Variants in LMBRD1 observed in about 807,000 individuals in gnomAD.
LMBRD1 encodes lysosomal cobalamin transport escort protein LMBD1.
A neutral mutation model predicts 74.8 loss-of-function variants in LMBRD1; 64 were observed. That is an observed-to-expected ratio of 0.86 (90% CI 0.70 to 1.05). LMBRD1 has a LOEUF of 1.05. Ranked by LOEUF, LMBRD1 falls within the 50% of genes least tolerant of loss-of-function variation. LMBRD1 has a pLI of 0.00. For synonymous variants in LMBRD1, 204 were observed against 216.3 expected (o/e 0.94, Z 0.50); for missense variants, 652 against 645.9 (o/e 1.01, Z -0.10).
chr6:69,711,223 T>C (rs779670286), intron 9 of LMBRD1, among the ~76,000 whole-genome samples: 6 of 152,134 alleles, frequency 3.9e-5, no homozygotes, highest in Non-Finnish European at 7.4e-5. Flanking sequence ...AGACAAAAGA[T>C]TGTACACTCT....
At chr6:69,694,646 G>A (rs1582054911) in intron 14 of LMBRD1, among the ~76,000 whole-genome samples, 1 of 151,838 alleles carries the variant, frequency 6.6e-6, no homozygotes, top group African/African-American at 2.4e-5. Flanking sequence ...GGACTCTGTG[G>A]TCACTGTTTA....
chr6:69,783,008 T>A (rs1765871680), intron 2 of LMBRD1, among the ~76,000 whole-genome samples: 1 of 152,146 alleles, frequency 6.6e-6, no homozygotes, highest in Non-Finnish European at 1.5e-5. Context: ...GAATAACATG[T>A]TGACATTAAA....
rs185479109 is a variant in LMBRD1 at position 69,707,713 on chromosome 6, C to T, written c.916-5760G>A. Among the ~76,000 whole-genome samples, 144 of 152,136 alleles carry T rather than the reference C, an allele frequency of 9.5e-4. 1 individual carries two copies. Among genetic ancestry groups the T allele is most frequent in the Non-Finnish European group, 1.6e-3 (111 of 67,994 alleles). ...TTGATATTATGGACATATTTAGTCT[C>T]AATAATATCTTACTGTTAGATAATT... On this transcript the variant is annotated intron_variant, in intron 9 of 15. Coordinates refer to ENST00000649934, the MANE Select transcript of LMBRD1 (RefSeq NM_018368.4).
At position 69,741,860 on chromosome 6, in the gene LMBRD1, T is replaced by G. The variant is rs1301665099; in HGVS notation, c.491A>C (p.Asn164Thr). 2 of 1,598,294 alleles carry G rather than the reference T, an allele frequency of 1.3e-6. No homozygotes were observed. The highest frequency in any genetic ancestry group is 8.6e-7 in the Non-Finnish European group (1 of 1,165,848). The change falls in exon 6 of 16, where the codon AAT becomes ACT. Residue 164 changes from asparagine (N) to threonine (T), a missense_variant. Transcript: ENST00000649934. ...TGTAGAATTTTTGTTATTGGGAACATTCAATGGAACAAAGGCACTACAAAA... is the reference window on the plus strand; with the variant it reads ...TGTAGAATTTTTGTTATTGGGAACAGTCAATGGAACAAAGGCACTACAAAA... Reference protein sequence around the residue: ...LLLVGAFVPLNVPNNKNSTEW... With the variant: ...LLLVGAFVPLTVPNNKNSTEW...
intron 6 of LMBRD1, 99 bp from the exon 7 acceptor site, chr6:69,738,114 G>T: frequency 1.1e-6 from 1 of 894,760 alleles, no homozygotes; most frequent in Non-Finnish European, 1.8e-6. Context: ...TACACATTTT[G>T]AAGAAATAAA....
In LMBRD1 at chr6:69,762,882, C is replaced by T. The variant is rs547133527; in HGVS notation, c.308-10526G>A. On this transcript the variant is annotated intron_variant, in intron 3 of 15. Coordinates refer to ENST00000649934, the MANE Select transcript of LMBRD1 (RefSeq NM_018368.4). ...TTGTTGAGACCTTCAACTTGGACTTCCTAGCTTCCAGAATTGTGAGAAATA... is the reference window on the plus strand; with the variant it reads ...TTGTTGAGACCTTCAACTTGGACTTTCTAGCTTCCAGAATTGTGAGAAATA... Among the ~76,000 whole-genome samples, 16 of 152,226 alleles carry T rather than the reference C, an allele frequency of 1.1e-4. No homozygotes were observed. The South Asian group carries it at 2.9e-3, about 28-fold the overall frequency.
At chr6:69,746,113 TC>T in intron 5 of LMBRD1, 1 of 176,986 alleles carries the variant, frequency 5.7e-6, no homozygotes, top group Non-Finnish European at 1.2e-5. Flanking sequence ...TTGCAAGATT[TC>T]ACCAAAATTA....
Position 69,759,946 on chromosome 6 carries a change from T to C in LMBRD1, c.308-7590A>G, listed in dbSNP as rs554913160. On this transcript the variant is annotated intron_variant, in intron 3 of 15. Coordinates refer to ENST00000649934, the MANE Select transcript of LMBRD1 (RefSeq NM_018368.4). ...TACAAATAAGTGAAACATAGACTAG[T>C]GAACTCTCATTTCACACTCACCAGA... 1.2e-4 allele frequency among the ~76,000 whole-genome samples: 19 copies of C among 152,250 alleles called. No homozygotes were observed. The South Asian group carries it at 3.1e-3, about 25-fold the overall frequency.
chr6:69,776,677 T>G (rs1765712821), intron 3 of LMBRD1, among the ~76,000 whole-genome samples: 1 of 152,204 alleles, frequency 6.6e-6, no homozygotes, highest in African/African-American at 2.4e-5. Flanking sequence ...AACCTTTATC[T>G]CATTGCACAT....
At chr6:69,677,430 G>C (rs1481307763) in intron 14 of LMBRD1, among the ~76,000 whole-genome samples, 1 of 152,114 alleles carries the variant, frequency 6.6e-6, no homozygotes, top group Non-Finnish European at 1.5e-5. Flanking sequence ...GGCTGGCTTT[G>C]GAAAAGTGGG....
At chr6:69,786,852 C>A (rs541162593) in intron 2 of LMBRD1, among the ~76,000 whole-genome samples, 32 of 152,208 alleles carry the variant, frequency 2.1e-4, no homozygotes, top group African/African-American at 7.2e-4. Flanking sequence ...TGTTAGCAAT[C>A]ATTAATATGT....
chr6:69,723,214 T>C (rs1351680804), intron 7 of LMBRD1, among the ~76,000 whole-genome samples: 1 of 152,078 alleles, frequency 6.6e-6, no homozygotes, highest in Non-Finnish European at 1.5e-5. Context: ...CCCCAATACA[T>C]TAACAATGGA....
chr6:69,737,194 G>A (rs1311477035), intron 7 of LMBRD1, among the ~76,000 whole-genome samples: 1 of 152,078 alleles, frequency 6.6e-6, no homozygotes, highest in Non-Finnish European at 1.5e-5. Context: ...AGAATTAAGA[G>A]TGCTTCAACA....
chr6:69,757,457 T>A (rs185477953), intron 3 of LMBRD1, among the ~76,000 whole-genome samples: 32 of 152,338 alleles, frequency 2.1e-4, no homozygotes, highest in Admixed American at 8.5e-4. Context: ...TTAAAACTGC[T>A]CTAAATATTT....
chr6:69,693,172 G>A (rs1765925327), intron 14 of LMBRD1, among the ~76,000 whole-genome samples: 2 of 151,992 alleles, frequency 1.3e-5, no homozygotes, highest in Admixed American at 6.5e-5. Flanking sequence ...TACCTGTCAG[G>A]ATGAATTAAG....
intron 5 of LMBRD1, among the ~76,000 whole-genome samples, chr6:69,747,764 T>C (rs992080395): frequency 2.6e-5 from 4 of 152,240 alleles, no homozygotes; most frequent in African/African-American, 9.6e-5. Context: ...ACATAAGTGT[T>C]TCAAAAACGT....
chr6:69,796,855 C>T lies in LMBRD1; in HGVS notation c.27G>A (p.Ala9=), dbSNP rs769952932. The change falls in exon 1 of 16, where the codon GCG becomes GCA. Residue 9 remains alanine (A), a synonymous_variant. Coordinates refer to ENST00000649934, the MANE Select transcript of LMBRD1 (RefSeq NM_018368.4). ...ATATGCACCAGCCGATCACCAGCTCCGCCGAGGCCGCGCCAGAAGTCGCCA... is the reference window on the plus strand; with the variant it reads ...ATATGCACCAGCCGATCACCAGCTCTGCCGAGGCCGCGCCAGAAGTCGCCA... MATSGAAS[A]ELVIGWCIFG... The T allele has an allele frequency of 4.3e-6, 7 of 1,614,020 alleles. No homozygotes were observed. The highest frequency in any genetic ancestry group is 4.5e-5 in the East Asian group (2 of 44,884).
At chr6:69,720,268 T>G (rs1363317049) in intron 7 of LMBRD1, among the ~76,000 whole-genome samples, 1 of 152,200 alleles carries the variant, frequency 6.6e-6, no homozygotes, top group African/African-American at 2.4e-5. Flanking sequence ...CTACAGTACG[T>G]TGTATTTAGA....
At chr6:69,729,253 G>A (rs959377235) in intron 7 of LMBRD1, among the ~76,000 whole-genome samples, 2 of 147,492 alleles carry the variant, frequency 1.4e-5, no homozygotes, top group African/African-American at 5.0e-5. Context: ...AACTGTTAAT[G>A]CCCTTCAGGT....
Sources: allele counts gnomAD v4.1 joint callset (sites outside exome capture counted in the v4.1 genomes callset), GRCh38; gene constraint gnomAD v4.1.1; transcripts MANE v1.5; gene names NCBI Gene and HGNC (gene_info 2026-07-23, HGNC 2026-07-21).